Variants in ADPRH observed in about 807,000 individuals in gnomAD.
The protein encoded by ADPRH is ADP-ribosylarginine hydrolase.
Under a neutral mutation model 28.8 loss-of-function variants are expected in ADPRH, and 27 were observed. That is an observed-to-expected ratio of 0.94 (90% CI 0.69 to 1.29). ADPRH has a LOEUF of 1.29. Ranked by LOEUF, ADPRH falls within the 50% of genes most tolerant of loss-of-function variation. ADPRH has a pLI of 0.00. For missense variants in ADPRH, 419 were observed against 444.8 expected (o/e 0.94, Z 0.52); for synonymous variants, 161 against 166.9 (o/e 0.96, Z 0.27).
rs1177225116 is a variant in ADPRH, at chr3:119,587,821, G to C, written c.1017G>C (p.Glu339Asp). 1 of 1,613,952 alleles carries C rather than the reference G, an allele frequency of 6.2e-7. No individual in the cohort carries two copies. The highest frequency in any genetic ancestry group is 1.7e-5 in the Admixed American group (1 of 59,994). ...TAGAATACAGAAACCGGCTGGAAGA[G>C]ACAGCTAGGGCTTTATATTCTCTCG... The part of the protein sequence containing the change: ...EKLEYRNRLE[E>D]TARALYSLGS... Residue 339 changes from glutamate (E) to aspartate (D), a missense_variant, in exon 5 of 5, where the codon GAG becomes GAC. Glu to Asp is a conservative substitution (Grantham distance 45). Coordinates refer to ENST00000357003, the MANE Select transcript of ADPRH (RefSeq NM_001125.4).
In ADPRH at chr3:119,588,113, G is replaced by A. The variant is rs1232528353; in HGVS notation, c.*235G>A. 1.1e-5 allele frequency: 4 copies of A among 370,322 alleles called. No individual in the cohort carries two copies. The highest frequency in any genetic ancestry group is 4.0e-5 in the East Asian group (1 of 25,072). 22.9% of individuals were successfully genotyped at this position (370,322 alleles called of 1,614,324 possible). A position where few individuals can be genotyped will look rare whatever the true frequency, so the allele number is the denominator to read the frequency against. On this transcript the variant is annotated 3_prime_UTR_variant, in exon 5 of 5. Coordinates refer to ENST00000357003, the MANE Select transcript of ADPRH (RefSeq NM_001125.4). ...GCTCAATTGATAGGGTCAGCGTCTC[G>A]CAAGCAAAAAATCTCATGACCTCAT...
intron 2 of ADPRH, 64 bp from the exon 3 acceptor site, chr3:119,582,070 C>CGTGGTTTTTTGTT: frequency 8.1e-7 from 1 of 1,234,588 alleles, no homozygotes; most frequent in Middle Eastern, 2.4e-4. Context: ...TAGCTAGAGT[C>CGTGGTTTTTTGTT]GTTGTTTTTT....
intron 4 of ADPRH, 67 bp downstream of exon 4, chr3:119,586,712 T>C: frequency 1.3e-6 from 2 of 1,574,886 alleles, no homozygotes; most frequent in Non-Finnish European, 1.7e-6. Context: ...CACCTGCACA[T>C]ATATGTCTTG....
chr3:119,584,637 C>T (rs573104246), intron 3 of ADPRH, among the ~76,000 whole-genome samples: 4 of 152,216 alleles, frequency 2.6e-5, no homozygotes, highest in East Asian at 1.9e-4. Flanking sequence ...TTGCCCACTT[C>T]GGCAACTTGT....
chr3:119,582,794 G>A (rs1174247353), intron 3 of ADPRH, among the ~76,000 whole-genome samples: 1 of 152,238 alleles, frequency 6.6e-6, no homozygotes, highest in Non-Finnish European at 1.5e-5. Context: ...ACAGCAGGAA[G>A]TGAGTGATGG....
At chr3:119,582,009 A>G in intron 2 of ADPRH, 125 bp from the exon 3 acceptor site, 3 of 708,060 alleles carry the variant, frequency 4.2e-6, no homozygotes, top group Non-Finnish European at 7.0e-6. Flanking sequence ...TGAGGATTAC[A>G]TGAGATGCCA....
intron 3 of ADPRH, among the ~76,000 whole-genome samples, chr3:119,585,276 C>T (rs1218387928): frequency 2.0e-5 from 3 of 152,206 alleles, no homozygotes; most frequent in Non-Finnish European, 4.4e-5. Context: ...AGTAAAGGAA[C>T]AGCAGTGCCA....
chr3:119,581,773 T>C (rs2082406347), intron 2 of ADPRH, among the ~76,000 whole-genome samples: 1 of 152,192 alleles, frequency 6.6e-6, no homozygotes, highest in Admixed American at 6.5e-5. Context: ...TGGGTTTGAC[T>C]TGCAGAATTT....
chr3:119,586,465 G>A lies in ADPRH; in HGVS notation c.479G>A (p.Arg160Gln), dbSNP rs189558030. The A allele has an allele frequency of 6.1e-5, 98 of 1,614,168 alleles. No individual in the cohort carries two copies. In the Admixed American group the frequency reaches 7.2e-4, roughly 12 times the overall value. Residue 160 changes from arginine (R) to glutamine (Q), a missense_variant, in exon 4 of 5, where the codon CGG becomes CAG. Arg to Gln is a conservative substitution (Grantham distance 43). Coordinates refer to ENST00000357003, the MANE Select transcript of ADPRH (RefSeq NM_001125.4). The part of the protein sequence containing the change: ...TLIQVSIESG[R>Q]MTHHHPTGYL... ...ATCCAAGTGAGCATCGAGAGTGGTCGGATGACCCACCACCACCCAACAGGC... is the reference window on the plus strand; with the variant it reads ...ATCCAAGTGAGCATCGAGAGTGGTCAGATGACCCACCACCACCCAACAGGC...
At chr3:119,585,178 G>A (rs559565297) in intron 3 of ADPRH, among the ~76,000 whole-genome samples, 10 of 152,206 alleles carry the variant, frequency 6.6e-5, no homozygotes, top group African/African-American at 1.4e-4. Flanking sequence ...ATCCTTTCTC[G>A]GCATCTGATA....
chr3:119,580,511 A>G (rs2082396033), intron 1 of ADPRH, 40 bp from the exon 2 acceptor site: 1 of 152,248 alleles, frequency 6.6e-6, no homozygotes, highest in Non-Finnish European at 1.5e-5. Flanking sequence ...GTAACTGGGT[A>G]GTGGAACGCA....
rs1173921687 is a variant in ADPRH, at chr3:119,579,661, C to T, written c.-313C>T. 10 of 152,520 alleles carry T rather than the reference C, an allele frequency of 6.6e-5. No individual in the cohort carries two copies. The highest frequency in any genetic ancestry group is 1.3e-4 in the Non-Finnish European group (9 of 68,144). 9.4% of individuals were successfully genotyped at this position (152,520 alleles called of 1,614,324 possible). On this transcript the variant is annotated 5_prime_UTR_variant, in exon 1 of 5. Coordinates refer to ENST00000357003, the MANE Select transcript of ADPRH (RefSeq NM_001125.4). Reference sequence around the variant, plus strand: ...TTGGAGGCTCCAAGATTAGCTCACTCAGCGCGGCCAAGCGCAGGTGCGGGG... The same window carrying T: ...TTGGAGGCTCCAAGATTAGCTCACTTAGCGCGGCCAAGCGCAGGTGCGGGG...
In ADPRH at chr3:119,587,503, TAGAG is replaced by T; in HGVS notation, c.700_703del (p.Arg234GlyfsTer17). The T allele has an allele frequency of 6.3e-7, 1 of 1,581,548 alleles. No homozygotes were observed. Among genetic ancestry groups the T allele is most frequent in the Non-Finnish European group, 8.6e-7 (1 of 1,163,068 alleles). On this transcript the variant is annotated frameshift_variant, in exon 5 of 5. Coordinates refer to ENST00000357003, the MANE Select transcript of ADPRH (RefSeq NM_001125.4). LOFTEE classifies it high-confidence loss of function. ...CCAAATGGGAAAATTACCTAAAACT[TAGAG>T]GGATTTTGGATGGAGAATCAGCCCC...
chr3:119,586,638 C>G lies in ADPRH; in HGVS notation c.652C>G (p.Gln218Glu). The G allele has an allele frequency of 6.2e-7, 1 of 1,613,604 alleles. No individual in the cohort carries two copies. The highest frequency in any genetic ancestry group is 8.5e-7 in the Non-Finnish European group (1 of 1,179,938). The change falls in exon 4 of 5, where the codon CAA becomes GAA. Residue 218 changes from glutamine to glutamate, a missense_variant. Transcript: ENST00000357003. The stretch of plus-strand genomic sequence containing the variant: ...AGGCTACTTTGTAGAGGAAAATCTT[C>G]AACACTGGTGAGTCTGTAAGCGCAC... ...QSGYFVEENL[Q>E]HWSYFQTKWE...
chr3:119,580,136 G>C (rs2082392960), intron 1 of ADPRH: 1 of 152,268 alleles, frequency 6.6e-6, no homozygotes, highest in Admixed American at 6.5e-5. Flanking sequence ...AAAAGATGCC[G>C]GTCTTCTTCC....
chr3:119,582,194 G>A lies in ADPRH; in HGVS notation c.25G>A (p.Val9Met). 6.2e-7 allele frequency: 1 copy of A among 1,611,842 alleles called. No homozygotes were observed. Among genetic ancestry groups the A allele is most frequent in the African/African-American group, 1.3e-5 (1 of 75,032 alleles). The change falls in exon 3 of 5, where the codon GTG becomes ATG. Residue 9 changes from valine to methionine, a missense_variant. By Grantham distance (21) the Val-to-Met change is conservative (BLOSUM62 1). Transcript: ENST00000357003. MEKYVAAM[V>M]LSAAGDALGY... ...GATGGAGAAGTATGTGGCTGCTATG[G>A]TGCTGAGTGCAGCTGGAGATGCCCT... is the stretch of plus-strand genomic sequence containing the variant.
rs138641147 is a variant in ADPRH, at chr3:119,587,777, C to T, written c.973C>T (p.Pro325Ser). Reference protein sequence around the residue: ...GVMYGFKGVSPSNYEKLEYRN... With the variant: ...GVMYGFKGVSSSNYEKLEYRN... ...TATGTATGGTTTTAAAGGAGTGAGT[C>T]CCTCCAACTATGAGAAACTAGAATA... Residue 325 changes from proline (P) to serine (S), a missense_variant, in exon 5 of 5, where the codon CCC becomes TCC. Coordinates refer to ENST00000357003, the MANE Select transcript of ADPRH (RefSeq NM_001125.4). 2 of 1,614,118 alleles carry T rather than the reference C, an allele frequency of 1.2e-6. No homozygotes were observed. Among genetic ancestry groups the T allele is most frequent in the South Asian group, 1.1e-5 (1 of 91,064 alleles).
rs1332272923 is a variant in ADPRH at position 119,584,082 on chromosome 3, A to C, written c.298+1615A>C. 7.3e-5 allele frequency among the ~76,000 whole-genome samples: 11 copies of C among 151,598 alleles called. No individual in the cohort carries two copies. In the East Asian group the frequency reaches 2.1e-3, roughly 29 times the overall value. ...CATGAGCCACCATGCCTGGCCAAAAAAAAACTTTTTTTTAAAAAATAGATA... is the reference window on the plus strand; with the variant it reads ...CATGAGCCACCATGCCTGGCCAAAACAAAACTTTTTTTTAAAAAATAGATA... On this transcript the variant is annotated intron_variant, in intron 3 of 4. Coordinates refer to ENST00000357003, the MANE Select transcript of ADPRH (RefSeq NM_001125.4).
rs1240111304 is a variant in ADPRH, at chr3:119,589,524, C to T, written c.*1646C>T. 1.3e-5 allele frequency: 2 copies of T among 152,196 alleles called. No individual in the cohort carries two copies. Among genetic ancestry groups the T allele is most frequent in the East Asian group, 3.8e-4 (2 of 5,202 alleles). The allele number at this position is 152,196 out of a possible 1,614,324, so 9.4% of individuals were successfully genotyped here. ...ATCCCATAGGAATGTTTTTCCAAGT[C>T]CTTCCAGTCTTTTTAGAACGTGGTG... On this transcript the variant is annotated 3_prime_UTR_variant, in exon 5 of 5. Coordinates refer to ENST00000357003, the MANE Select transcript of ADPRH (RefSeq NM_001125.4).
Sources: gnomAD v4.1 joint callset for allele counts (sites outside exome capture counted in the v4.1 genomes callset) on GRCh38, gnomAD v4.1.1 for gene constraint, MANE v1.5 for transcripts, NCBI Gene and HGNC (gene_info 2026-07-23, HGNC 2026-07-21) for gene names.